The following ERICH6B variants were observed in gnomAD, a reference collection of about 807,000 sequenced individuals.
The protein encoded by ERICH6B is glutamate-rich protein 6B.
Under a neutral mutation model 80.0 loss-of-function variants are expected in ERICH6B, and 69 were observed. The ratio of observed to expected loss-of-function variants is 0.86; its 90% CI spans 0.71 to 1.05. The LOEUF is 1.05. ERICH6B is among the 50% of genes least tolerant of loss of function. The pLI is 0.00. For synonymous variants in ERICH6B, 283 were observed against 291.9 expected (o/e 0.97, Z 0.31); for missense variants, 754 against 796.1 (o/e 0.95, Z 0.64).
At chr13:45,586,901 C>T (rs1171870668) in intron 5 of ERICH6B, among the ~76,000 whole-genome samples, 162 bp downstream of exon 5, 1 of 152,166 alleles carries the variant, frequency 6.6e-6, no homozygotes, top group Admixed American at 6.5e-5. Flanking sequence ...GAGGAGTTAA[C>T]ATCTTACCCA....
intron 7 of ERICH6B, among the ~76,000 whole-genome samples, chr13:45,577,044 G>A (rs768961057): frequency 3.3e-5 from 5 of 152,040 alleles, no homozygotes; most frequent in African/African-American, 7.2e-5. Context: ...GGAAGGGCCT[G>A]GGGGGAGTAT....
chr13:45,604,293 C>T (rs1949844623), intron 2 of ERICH6B, among the ~76,000 whole-genome samples: 1 of 152,260 alleles, frequency 6.6e-6, no homozygotes, highest in African/African-American at 2.4e-5. Flanking sequence ...TGACTGCTAG[C>T]CGTTTCCAGT....
intron 3 of ERICH6B, among the ~76,000 whole-genome samples, chr13:45,590,997 G>A (rs538440395): frequency 1.1e-4 from 17 of 152,304 alleles, no homozygotes; most frequent in Admixed American, 3.3e-4. Flanking sequence ...GAAGGACATC[G>A]GTCCAGCAGA....
intron 2 of ERICH6B, among the ~76,000 whole-genome samples, chr13:45,606,694 C>G (rs2138036921): frequency 6.6e-6 from 1 of 150,764 alleles, no homozygotes; most frequent in African/African-American, 2.4e-5. Context: ...GCTGGGACTA[C>G]AGGTGCCCAT....
At chr13:45,615,482 C>G (rs982045937) in intron 1 of ERICH6B, among the ~76,000 whole-genome samples, 1 of 152,166 alleles carries the variant, frequency 6.6e-6, no homozygotes, top group African/African-American at 2.4e-5. Context: ...GTCAGAAAGG[C>G]CAAGGGAATA....
intron 5 of ERICH6B, among the ~76,000 whole-genome samples, chr13:45,582,771 T>C (rs1875727794): frequency 6.6e-6 from 1 of 152,190 alleles, no homozygotes; most frequent in Non-Finnish European, 1.5e-5. Flanking sequence ...CTCTATCTTG[T>C]CCAGGAACAT....
intron 8 of ERICH6B, among the ~76,000 whole-genome samples, chr13:45,572,589 T>C (rs17066923): frequency 0.031 from 4,687 of 152,236 alleles, 246 homozygotes; most frequent in African/African-American, 0.11. Flanking sequence ...GAAACAATAC[T>C]TAGTAATCAG....
chr13:45,569,389 G>C (rs984542202), intron 8 of ERICH6B, among the ~76,000 whole-genome samples: 9 of 152,232 alleles, frequency 5.9e-5, no homozygotes, highest in African/African-American at 2.2e-4. Context: ...GGCTCCCAAA[G>C]TGCTGGAACT....
At chr13:45,564,812 C>T (rs998087270) in intron 9 of ERICH6B, among the ~76,000 whole-genome samples, 2 of 152,166 alleles carry the variant, frequency 1.3e-5, no homozygotes, top group Admixed American at 6.5e-5. Flanking sequence ...AGCAGGATAC[C>T]AAACACAGAT....
At chr13:45,549,291 A>G (rs1874116620) in intron 13 of ERICH6B, among the ~76,000 whole-genome samples, 1 of 152,106 alleles carries the variant, frequency 6.6e-6, no homozygotes, top group South Asian at 2.1e-4. Context: ...ACAAAAAAAA[A>G]AAAAAGTATA....
intron 5 of ERICH6B, among the ~76,000 whole-genome samples, chr13:45,585,063 C>T (rs1384020491): frequency 1.3e-5 from 2 of 152,182 alleles, no homozygotes; most frequent in African/African-American, 4.8e-5. Context: ...AGCAAGGGAA[C>T]ATGGACACTG....
rs1392176435 is a variant in ERICH6B, at chr13:45,574,247, A to C, written c.1050+595T>G. 3.9e-5 allele frequency among the ~76,000 whole-genome samples: 6 copies of C among 152,342 alleles called. No individual in the cohort carries two copies. In the South Asian group the frequency reaches 1.2e-3, roughly 32 times the overall value. ...TAATGATGTTTCCCTCAGAATCAGCATGAAGTGTCAGCCCTAGAGGAAGTT... is the reference window on the plus strand; with the variant it reads ...TAATGATGTTTCCCTCAGAATCAGCCTGAAGTGTCAGCCCTAGAGGAAGTT... On this transcript the variant is annotated intron_variant, in intron 8 of 14. Coordinates refer to ENST00000298738, the MANE Select transcript of ERICH6B (RefSeq NM_182542.3).
chr13:45,545,128 A>T, intron 13 of ERICH6B, 143 bp from the exon 14 acceptor site: 1 of 695,996 alleles, frequency 1.4e-6, no homozygotes, highest in South Asian at 1.9e-5. Flanking sequence ...TCCAACATGG[A>T]CAACCAACCC....
At chr13:45,606,543 ATATATTTTTTTT>A (rs1341730603) in intron 2 of ERICH6B, among the ~76,000 whole-genome samples, 2 of 11,050 alleles carry the variant, frequency 1.8e-4, no homozygotes, top group African/African-American at 2.4e-4. Context: ...ATATATATAT[ATATATTTTTTTT>A]TTTTTTTTTT....
intron 4 of ERICH6B, among the ~76,000 whole-genome samples, chr13:45,588,173 G>A (rs2138011425): frequency 6.6e-6 from 1 of 152,322 alleles, no homozygotes; most frequent in South Asian, 2.1e-4. Flanking sequence ...GTCTGGGTAA[G>A]GGCTCAGGCA....
chr13:45,556,114 C>T (rs1874425603), intron 11 of ERICH6B, among the ~76,000 whole-genome samples: 1 of 151,654 alleles, frequency 6.6e-6, no homozygotes, highest in African/African-American at 2.4e-5. Context: ...AGCTGGAGGG[C>T]CCCCTCTGCT....
At chr13:45,591,983 T>C (rs564019443) in intron 3 of ERICH6B, among the ~76,000 whole-genome samples, 1 of 152,106 alleles carries the variant, frequency 6.6e-6, no homozygotes, top group East Asian at 1.9e-4. Context: ...AAACAAAGCA[T>C]GAAAGGAGGA....
intron 9 of ERICH6B, 129 bp from the exon 10 acceptor site, chr13:45,563,917 G>T (rs2137979311): frequency 2.8e-6 from 2 of 715,784 alleles, no homozygotes; most frequent in Admixed American, 2.5e-5. Context: ...CAATGGCTTT[G>T]CTTTCTAGGC....
chr13:45,562,097 C>T (rs1044805635), intron 10 of ERICH6B, among the ~76,000 whole-genome samples: 19 of 152,244 alleles, frequency 1.2e-4, no homozygotes, highest in African/African-American at 3.6e-4. Context: ...GAATCTTGCT[C>T]TGTCGCCCAG....
Sources: gnomAD v4.1 joint callset for allele counts (sites outside exome capture counted in the v4.1 genomes callset) on GRCh38, gnomAD v4.1.1 for gene constraint, MANE v1.5 for transcripts, NCBI Gene and HGNC (gene_info 2026-07-23, HGNC 2026-07-21) for gene names.